Variants in IGSF21 observed in about 807,000 individuals in gnomAD.
The protein encoded by IGSF21 is immunoglobulin superfamily member 21.
Under a neutral mutation model 46.8 loss-of-function variants are expected in IGSF21, and 28 were observed. That is an observed-to-expected ratio of 0.60 (90% CI 0.44 to 0.82). The LOEUF (loss-of-function observed/expected upper bound fraction) is 0.82, where lower values mean the gene tolerates loss of function less well. Ranked by LOEUF, IGSF21 falls within the 40% of genes least tolerant of loss-of-function variation. The pLI is 0.00. For missense variants in IGSF21, 624 were observed against 665.5 expected (o/e 0.94, Z 0.69); for synonymous variants, 284 against 273.6 (o/e 1.04, Z -0.38).
At chr1:18,278,519 G>A (rs898751510) in intron 2 of IGSF21, among the ~76,000 whole-genome samples, 3 of 148,776 alleles carry the variant, frequency 2.0e-5, no homozygotes, top group Admixed American at 1.3e-4. Flanking sequence ...GGGATTACAG[G>A]TGTAAGGTTT....
chr1:18,300,860 G>A (rs544501141), intron 3 of IGSF21, among the ~76,000 whole-genome samples: 5 of 152,212 alleles, frequency 3.3e-5, no homozygotes, highest in Admixed American at 6.5e-5. Flanking sequence ...CCAGAGCAAC[G>A]CTCCGCTCAG....
chr1:18,115,966 C>A (rs1408704236), intron 1 of IGSF21: 3 of 152,116 alleles, frequency 2.0e-5, no homozygotes, highest in South Asian at 2.1e-4. Flanking sequence ...ATGTGCCAAA[C>A]CCTGTGCCAG....
At chr1:18,331,177 G>A (rs2085708954) in intron 3 of IGSF21, among the ~76,000 whole-genome samples, 1 of 152,082 alleles carries the variant, frequency 6.6e-6, no homozygotes, top group African/African-American at 2.4e-5. Flanking sequence ...AAGTTCTTTA[G>A]TGGTGATTTG....
rs373615239 is a variant in IGSF21, at chr1:18,216,121, T to A, written c.71-11777T>A. 2.5e-3 allele frequency among the ~76,000 whole-genome samples: 380 copies of A among 152,240 alleles called. 16 individuals carry two copies. The South Asian group carries it at 0.072, about 29-fold the overall frequency. On this transcript the variant is annotated intron_variant, in intron 1 of 9. Transcript: ENST00000251296. ...GTCTATGAGCTCAGGAGAGGGTGTA[T>A]CAGACTCATATCAGTCAAGGAGGGG...
intron 2 of IGSF21, among the ~76,000 whole-genome samples, chr1:18,257,508 A>C (rs1302773076): frequency 1.3e-5 from 2 of 152,146 alleles, no homozygotes; most frequent in Non-Finnish European, 2.9e-5. Flanking sequence ...GAGGCTACGG[A>C]GGCTCAGAGA....
At chr1:18,166,324 T>TGCGTGGTTTCCCCTAATTTGTCTTC (rs1261611015) in intron 1 of IGSF21, among the ~76,000 whole-genome samples, 2 of 152,212 alleles carry the variant, frequency 1.3e-5, no homozygotes, top group Admixed American at 1.3e-4. Flanking sequence ...TGTTTATCTT[T>TGCGTGGTTTCCCCTAATTTGTCTTC]GCCTGGTTTC....
intron 1 of IGSF21, among the ~76,000 whole-genome samples, chr1:18,188,047 A>C (rs979713018): frequency 2.0e-5 from 3 of 152,212 alleles, no homozygotes; most frequent in African/African-American, 7.2e-5. Context: ...ATGCCTCAAG[A>C]GGTCTTTGTG....
chr1:18,276,514 G>A (rs2085104213), intron 2 of IGSF21, among the ~76,000 whole-genome samples: 1 of 152,184 alleles, frequency 6.6e-6, no homozygotes, highest in African/African-American at 2.4e-5. Flanking sequence ...ATTGGTCAAA[G>A]CAGTCTCCAA....
intron 1 of IGSF21, among the ~76,000 whole-genome samples, chr1:18,214,711 A>T (rs1039211005): frequency 6.6e-6 from 1 of 152,100 alleles, no homozygotes; most frequent in Non-Finnish European, 1.5e-5. Flanking sequence ...AGCGGGAGAG[A>T]AAGTTCCACA....
rs147521179 is a variant in IGSF21 at position 18,297,322 on chromosome 1, C to T, written c.305+5335C>T. 1.1e-4 allele frequency among the ~76,000 whole-genome samples: 17 copies of T among 152,260 alleles called. 1 individual carries two copies. In the East Asian group the frequency reaches 3.1e-3, roughly 28 times the overall value. ...CTGCTGGGGTGGATGAACAAGACAC[C>T]TTAGGAAAGGAACATCCAGGCCCCC... On this transcript the variant is annotated intron_variant, in intron 3 of 9. Coordinates refer to ENST00000251296, the MANE Select transcript of IGSF21 (RefSeq NM_032880.5).
intron 1 of IGSF21, among the ~76,000 whole-genome samples, chr1:18,160,566 ATTTCTTTTCTGGTAACAT>A (rs2086609639): frequency 8.1e-6 from 1 of 122,714 alleles, no homozygotes; most frequent in Admixed American, 7.8e-5. Context: ...TTAAGTCATA[ATTTCTTTTCTGGTAACAT>A]GAGGATCGTA....
chr1:18,356,654 A>G (rs891037449), intron 4 of IGSF21, among the ~76,000 whole-genome samples: 18 of 152,238 alleles, frequency 1.2e-4, no homozygotes, highest in African/African-American at 4.3e-4. Flanking sequence ...CAGGCATAGG[A>G]CACATAAAAA....
chr1:18,172,120 G>C (rs923425188), intron 1 of IGSF21, among the ~76,000 whole-genome samples: 1 of 152,168 alleles, frequency 6.6e-6, no homozygotes, highest in East Asian at 1.9e-4. Flanking sequence ...TTTGATGAGG[G>C]CCTGGGCTGA....
chr1:18,239,802 C>A (rs2084708756), intron 2 of IGSF21, among the ~76,000 whole-genome samples: 1 of 151,984 alleles, frequency 6.6e-6, no homozygotes, highest in Admixed American at 6.6e-5. Context: ...TTTCCCCCTT[C>A]AATCTTCTTC....
At chr1:18,148,693 A>C (rs2086493098) in intron 1 of IGSF21, among the ~76,000 whole-genome samples, 1 of 152,164 alleles carries the variant, frequency 6.6e-6, no homozygotes, top group Admixed American at 6.5e-5. Flanking sequence ...TGCACAGTAG[A>C]TGTTTGTGGA....
At chr1:18,209,440 C>A (rs1265047625) in intron 1 of IGSF21, among the ~76,000 whole-genome samples, 1 of 151,782 alleles carries the variant, frequency 6.6e-6, no homozygotes, top group East Asian at 1.9e-4. Context: ...AGAGGGCCCG[C>A]CTTCTTTTCT....
rs536979891 is a variant in IGSF21, at chr1:18,293,426, C to G, written c.305+1439C>G. 2.6e-4 allele frequency among the ~76,000 whole-genome samples: 39 copies of G among 152,184 alleles called. No individual in the cohort carries two copies. In the South Asian group the frequency reaches 8.1e-3, roughly 32 times the overall value. ...GTAAAAATGGGAAGGTGAGTGTGCT[C>G]CCCAGGCGGCCCGGCTGGGTCCTCG... is the stretch of plus-strand genomic sequence containing the variant. On this transcript the variant is annotated intron_variant, in intron 3 of 9. Coordinates refer to ENST00000251296, the MANE Select transcript of IGSF21 (RefSeq NM_032880.5).
Position 18,144,280 on chromosome 1 carries a change from T to C in IGSF21, c.70+36082T>C, listed in dbSNP as rs2086445640. ...AGCACCTTGGTAAGCCTCAGTCGAG[T>C]TGGAAGGATTGAGTCCACAGGCGGC... On this transcript the variant is annotated intron_variant, in intron 1 of 9. Coordinates refer to ENST00000251296, the MANE Select transcript of IGSF21 (RefSeq NM_032880.5). Among the ~76,000 whole-genome samples, 3 of 151,978 alleles carry C rather than the reference T, an allele frequency of 2.0e-5. No homozygotes were observed. The South Asian group carries it at 6.2e-4, about 32-fold the overall frequency.
chr1:18,158,514 G>A (rs962690522), intron 1 of IGSF21, among the ~76,000 whole-genome samples: 1 of 152,154 alleles, frequency 6.6e-6, no homozygotes, highest in Non-Finnish European at 1.5e-5. Context: ...AGGCCCGGGT[G>A]TCTGCTGCCC....
Sources: allele counts gnomAD v4.1 joint callset (sites outside exome capture counted in the v4.1 genomes callset), GRCh38; gene constraint gnomAD v4.1.1; transcripts MANE v1.5; gene names NCBI Gene and HGNC (gene_info 2026-07-23, HGNC 2026-07-21).